The following TENM2 variants were observed in gnomAD, a reference collection of about 807,000 sequenced individuals.
The protein encoded by TENM2 is teneurin transmembrane protein 2, also known as teneurin-2.
A neutral mutation model predicts 245.2 loss-of-function variants in TENM2; 52 were observed. The observed-to-expected ratio is 0.21, with a 90% CI of 0.17 to 0.27. The LOEUF (loss-of-function observed/expected upper bound fraction) is 0.27, where lower values mean the gene tolerates loss of function less well. TENM2 is among the 10% of genes least tolerant of loss of function. TENM2 has a pLI of 1.00. For missense variants in TENM2, 3,046 were observed against 3,666.8 expected (o/e 0.83, Z 4.37); for synonymous variants, 1,363 against 1,438.9 (o/e 0.95, Z 1.19).
chr5:167,837,115 G>C (rs1328012492), intron 2 of TENM2, among the ~76,000 whole-genome samples: 2 of 151,648 alleles, frequency 1.3e-5, no homozygotes, highest in Non-Finnish European at 2.9e-5. Context: ...TATCTGGATA[G>C]TGTTTTATAA....
At chr5:167,632,152 T>C (rs925500986) in intron 2 of TENM2, among the ~76,000 whole-genome samples, 1 of 152,142 alleles carries the variant, frequency 6.6e-6, no homozygotes, top group South Asian at 2.1e-4. Context: ...TTACCCAGCC[T>C]CTCAGCGACC....
At chr5:167,778,647 T>C (rs868226021) in intron 2 of TENM2, among the ~76,000 whole-genome samples, 1 of 152,308 alleles carries the variant, frequency 6.6e-6, no homozygotes, top group Middle Eastern at 3.4e-3. Flanking sequence ...TGGGTTTTTT[T>C]CCCTAGGAAT....
the TENM2 span, among the ~76,000 whole-genome samples, chr5:167,161,131 G>T: frequency 6.6e-6 from 1 of 152,218 alleles, no homozygotes; most frequent in Non-Finnish European, 1.5e-5. Context: ...TTTCTTTCCT[G>T]CAGTACATCC....
intron 2 of TENM2, among the ~76,000 whole-genome samples, chr5:167,488,287 T>C (rs1768211059): frequency 6.6e-6 from 1 of 152,216 alleles, no homozygotes; most frequent in African/African-American, 2.4e-5. Flanking sequence ...TAGAACAATG[T>C]CTTGAAATCA....
At chr5:167,027,158 C>A in the TENM2 span, among the ~76,000 whole-genome samples, 2 of 152,016 alleles carry the variant, frequency 1.3e-5, no homozygotes, top group Admixed American at 1.3e-4. Context: ...TCCTTTGTAA[C>A]CTAGAGTTGT....
chr5:167,398,535 G>C (rs1488602983), intron 2 of TENM2, among the ~76,000 whole-genome samples: 1 of 151,112 alleles, frequency 6.6e-6, no homozygotes, highest in East Asian at 2.0e-4. Context: ...AGATTCAAGT[G>C]ATTCTCCTGC....
intron 2 of TENM2, among the ~76,000 whole-genome samples, chr5:167,445,337 A>ATATATATATAGG (rs1491215308): frequency 1.3e-5 from 1 of 76,638 alleles, no homozygotes; most frequent in African/African-American, 5.2e-5. Context: ...ATATATATAT[A>ATATATATATAGG]GAGAGAGAGA....
At chr5:167,002,382 C>A in the TENM2 span, among the ~76,000 whole-genome samples, 1 of 152,104 alleles carries the variant, frequency 6.6e-6, no homozygotes, top group Non-Finnish European at 1.5e-5. Flanking sequence ...TGCCATTGTC[C>A]TCCAGCCTGG....
intron 2 of TENM2, among the ~76,000 whole-genome samples, chr5:167,713,773 A>G (rs1171351145): frequency 6.6e-6 from 1 of 152,240 alleles, no homozygotes; most frequent in Non-Finnish European, 1.5e-5. Flanking sequence ...GTGCACACAC[A>G]TACACACGTA....
At chr5:167,653,567 A>G (rs964419958) in intron 2 of TENM2, 10 of 151,646 alleles carry the variant, frequency 6.6e-5, no homozygotes, top group Admixed American at 2.6e-4. Flanking sequence ...GGTTTTTAAT[A>G]TTCAGTATCT....
At chr5:167,740,406 T>A (rs1489872869) in intron 2 of TENM2, among the ~76,000 whole-genome samples, 1 of 152,190 alleles carries the variant, frequency 6.6e-6, no homozygotes, top group African/African-American at 2.4e-5. Flanking sequence ...ACTGATAGAA[T>A]GCTTCTCTTG....
chr5:167,749,099 G>A (rs1761781803), intron 2 of TENM2, among the ~76,000 whole-genome samples: 1 of 151,820 alleles, frequency 6.6e-6, no homozygotes, highest in Non-Finnish European at 1.5e-5. Flanking sequence ...AGACATACTG[G>A]TTTCATTACA....
At chr5:167,304,095 A>G (rs1025350533) in intron 1 of TENM2, among the ~76,000 whole-genome samples, 1 of 152,232 alleles carries the variant, frequency 6.6e-6, no homozygotes, top group African/African-American at 2.4e-5. Flanking sequence ...GACCAGGACA[A>G]TTACACATAC....
the TENM2 span, among the ~76,000 whole-genome samples, chr5:167,249,622 CTTG>C: frequency 1.3e-5 from 2 of 152,074 alleles, no homozygotes; most frequent in Admixed American, 6.6e-5. Context: ...CTACATCAAT[CTTG>C]TTGTCATTTA....
intron 4 of TENM2, among the ~76,000 whole-genome samples, chr5:167,956,190 T>C (rs1469273724): frequency 6.6e-6 from 1 of 152,208 alleles, no homozygotes; most frequent in Non-Finnish European, 1.5e-5. Context: ...TTCACATCCC[T>C]TGTAAGTTGG....
intron 9 of TENM2, among the ~76,000 whole-genome samples, chr5:168,098,506 A>G (rs1478292651): frequency 6.6e-6 from 1 of 152,150 alleles, no homozygotes; most frequent in Non-Finnish European, 1.5e-5. Flanking sequence ...CATTCTGGCC[A>G]GCTACACTCT....
intron 2 of TENM2, among the ~76,000 whole-genome samples, chr5:167,597,154 TCTTTTCTTTTC>T (rs1387915736): frequency 1.8e-5 from 2 of 112,810 alleles, no homozygotes; most frequent in African/African-American, 6.5e-5. Flanking sequence ...TCTTTTCTTT[TCTTTTCTTTTC>T]TTTTTTTTTT....
At chr5:167,546,917 C>G (rs1182331630) in intron 2 of TENM2, among the ~76,000 whole-genome samples, 1 of 152,276 alleles carries the variant, frequency 6.6e-6, no homozygotes, top group African/African-American at 2.4e-5. Context: ...CTCTCCTGGG[C>G]ACTCTCAGTA....
chr5:168,258,305 T>A (rs1767861564), intron 27 of TENM2, among the ~76,000 whole-genome samples: 1 of 151,832 alleles, frequency 6.6e-6, no homozygotes, highest in Non-Finnish European at 1.5e-5. Context: ...ATGGAGACCA[T>A]CCTGGCTAAC....
Sources: allele counts gnomAD v4.1 joint callset (sites outside exome capture counted in the v4.1 genomes callset), GRCh38; gene constraint gnomAD v4.1.1; transcripts MANE v1.5; gene names NCBI Gene and HGNC (gene_info 2026-07-23, HGNC 2026-07-21).